PTPN4: variants seen among roughly 807,000 people sequenced by gnomAD.
The protein encoded by PTPN4 is tyrosine-protein phosphatase non-receptor type 4.
PTPN4 carries 49 observed loss-of-function variants against 135.5 expected under a neutral mutation model. That is an observed-to-expected ratio of 0.36 (90% CI 0.29 to 0.46). PTPN4 has a LOEUF of 0.46. Ranked by LOEUF, PTPN4 falls within the 20% of genes least tolerant of loss-of-function variation. PTPN4 has a pLI of 1.00. For missense variants in PTPN4, 860 were observed against 1,101.0 expected, an observed-to-expected ratio of 0.78 and a Z score of 3.10; for synonymous variants, 333 against 369.9, an observed-to-expected ratio of 0.90 and a Z score of 1.14.
At chr2:119,973,158 T>TC (rs1262379733) in intron 26 of PTPN4, among the ~76,000 whole-genome samples, 2 of 152,046 alleles carry the variant, frequency 1.3e-5, no homozygotes, top group Non-Finnish European at 2.9e-5. Flanking sequence ...TAAAAAAAAC[T>TC]CCCCATTTTC....
intron 15 of PTPN4, 178 bp downstream of exon 15, chr2:119,935,136 C>G: frequency 1.4e-6 from 1 of 692,240 alleles, no homozygotes; most frequent in East Asian, 2.8e-5. Flanking sequence ...CTCTCCCTCC[C>G]CGACCCAGTC....
chr2:119,977,782 C>G lies in PTPN4; in HGVS notation c.*712C>G, dbSNP rs1679639179. The G allele has an allele frequency of 6.6e-6, 1 of 152,114 alleles. No homozygotes were observed. Among genetic ancestry groups the G allele is most frequent in the Non-Finnish European group, 1.5e-5 (1 of 68,032 alleles). The allele number at this position is 152,114 out of a possible 1,614,324, so 9.4% of individuals were successfully genotyped here. A position where few individuals can be genotyped will look rare whatever the true frequency, so the allele number is the denominator to read the frequency against. On this transcript the variant is annotated 3_prime_UTR_variant, in exon 27 of 27. Transcript: ENST00000263708. ...ATTCCAAATCATGTGATTTCACATA[C>G]TTGATGTAAAGGAATGCATGCATTG...
chr2:119,897,870 G>A (rs1037084098), intron 9 of PTPN4, among the ~76,000 whole-genome samples: 31 of 152,284 alleles, frequency 2.0e-4, no homozygotes, highest in Middle Eastern at 3.4e-3. Context: ...TAACGTATTT[G>A]ATAAGTAGGC....
chr2:119,961,577 G>T (rs1679367152), intron 23 of PTPN4, among the ~76,000 whole-genome samples: 1 of 152,124 alleles, frequency 6.6e-6, no homozygotes, highest in Non-Finnish European at 1.5e-5. Context: ...GAGTTGAAAA[G>T]GTCTGTCCAC....
chr2:119,868,833 G>A (rs1310062708), intron 3 of PTPN4, among the ~76,000 whole-genome samples: 2 of 152,066 alleles, frequency 1.3e-5, no homozygotes, highest in African/African-American at 2.4e-5. Flanking sequence ...GTAAATCTCT[G>A]TTCGAGGCTC....
At chr2:119,924,548 A>C (rs1204436510) in intron 12 of PTPN4, among the ~76,000 whole-genome samples, 1 of 151,988 alleles carries the variant, frequency 6.6e-6, no homozygotes, top group Non-Finnish European at 1.5e-5. Flanking sequence ...ATAAAGAGAG[A>C]GAGAAAGAGA....
At chr2:119,915,363 C>A in intron 11 of PTPN4, 121 bp downstream of exon 11, 1 of 700,292 alleles carries the variant, frequency 1.4e-6, no homozygotes, top group East Asian at 3.3e-5. Flanking sequence ...GATAACTGCC[C>A]GCTGAGGTAA....
At chr2:119,923,205 T>A (rs908125275) in intron 12 of PTPN4, among the ~76,000 whole-genome samples, 17 of 152,220 alleles carry the variant, frequency 1.1e-4, no homozygotes, top group African/African-American at 3.9e-4. Flanking sequence ...CAGACCCCTG[T>A]CTCTACCAAA....
intron 1 of PTPN4, among the ~76,000 whole-genome samples, chr2:119,801,675 C>T (rs1338189193): frequency 6.6e-6 from 1 of 152,004 alleles, no homozygotes; most frequent in East Asian, 1.9e-4. Flanking sequence ...GCAAATTATA[C>T]TGTATTTTGT....
chr2:119,779,474 G>A lies in PTPN4; in HGVS notation c.-18+19090G>A, dbSNP rs1038688140. Among the ~76,000 whole-genome samples, 10 of 152,020 alleles carry A rather than the reference G, an allele frequency of 6.6e-5. No homozygotes were observed. In the East Asian group the frequency reaches 7.7e-4, roughly 12 times the overall value. On this transcript the variant is annotated intron_variant, in intron 1 of 26. Transcript: ENST00000263708. ...CTACTAAAAATACAAAAAATTAGCC[G>A]GGCATAGTTGCAGGCACCTGTAGTC...
chr2:119,806,480 C>A (rs149485490), intron 1 of PTPN4, among the ~76,000 whole-genome samples: 2 of 152,106 alleles, frequency 1.3e-5, no homozygotes, highest in South Asian at 2.1e-4. Context: ...GAGACAAAGA[C>A]GGCCATTACA....
chr2:119,955,404 T>C, intron 20 of PTPN4, 81 bp downstream of exon 20: 2 of 1,093,610 alleles, frequency 1.8e-6, no homozygotes, highest in African/African-American at 3.2e-5. Context: ...GCCTAATCTG[T>C]GCATTATAAT....
intron 2 of PTPN4, among the ~76,000 whole-genome samples, chr2:119,839,980 A>C (rs1677356373): frequency 6.6e-6 from 1 of 152,232 alleles, no homozygotes; most frequent in East Asian, 1.9e-4. Context: ...TAATAGAAGA[A>C]GTAGGTTTCA....
intron 13 of PTPN4, among the ~76,000 whole-genome samples, chr2:119,929,571 T>C (rs911948186): frequency 2.6e-5 from 4 of 152,228 alleles, no homozygotes; most frequent in Admixed American, 6.5e-5. Context: ...AGAAAAACAA[T>C]GTTCTCATAC....
intron 16 of PTPN4, among the ~76,000 whole-genome samples, chr2:119,945,973 G>A (rs1679127413): frequency 6.6e-6 from 1 of 152,044 alleles, no homozygotes; most frequent in Admixed American, 6.6e-5. Context: ...ATCAAGCAGT[G>A]GAAGTATCAT....
chr2:119,910,286 C>T (rs1207774144), intron 10 of PTPN4, among the ~76,000 whole-genome samples: 1 of 151,994 alleles, frequency 6.6e-6, no homozygotes, highest in African/African-American at 2.4e-5. Context: ...ATATCGAACT[C>T]TTAATAGACT....
chr2:119,776,574 CCTTCCA>C (rs904853234), intron 1 of PTPN4, among the ~76,000 whole-genome samples: 18 of 152,128 alleles, frequency 1.2e-4, no homozygotes, highest in African/African-American at 4.3e-4. Context: ...TCCTGCTTCC[CCTTCCA>C]CTTCCTCCAC....
intron 2 of PTPN4, among the ~76,000 whole-genome samples, chr2:119,835,665 T>A (rs1310025844): frequency 1.3e-5 from 2 of 152,218 alleles, no homozygotes; most frequent in East Asian, 1.9e-4. Context: ...AACGAACTGG[T>A]TCTTACAGAC....
Position 119,973,665 on chromosome 2 carries a change from T to G in PTPN4, c.2695-3319T>G, listed in dbSNP as rs867580241. On this transcript the variant is annotated intron_variant, in intron 26 of 26. Transcript: ENST00000263708. Reference sequence around the variant, plus strand: ...CCTCCTTCATTTCTTGTTTTTTTTTTTTTTTTTTTTTTTTTTTGGTAATTT... The same window carrying G: ...CCTCCTTCATTTCTTGTTTTTTTTTGTTTTTTTTTTTTTTTTTGGTAATTT... 1.9e-4 allele frequency among the ~76,000 whole-genome samples: 26 copies of G among 137,236 alleles called. 1 individual carries two copies. Among genetic ancestry groups the G allele is most frequent in the Middle Eastern group, 7.0e-3 (2 of 284 alleles). The allele number at this position is 137,236 out of a possible 152,430, so 90.0% of individuals were successfully genotyped here.
Sources: allele counts gnomAD v4.1 joint callset (sites outside exome capture counted in the v4.1 genomes callset), GRCh38; gene constraint gnomAD v4.1.1; transcripts MANE v1.5; gene names NCBI Gene and HGNC (gene_info 2026-07-23, HGNC 2026-07-21).